Variants in SLN observed in about 807,000 individuals in gnomAD.
The protein encoded by SLN is sarcolipin.
For synonymous variants in SLN, 19 were observed against 14.4 expected, an observed-to-expected ratio of 1.32 and a Z score of -0.72; for missense variants, 34 against 37.4, an observed-to-expected ratio of 0.91 and a Z score of 0.24.
chr11:107,709,680 CA>C (rs34295984), intron 1 of SLN, among the ~76,000 whole-genome samples: 12 of 149,682 alleles, frequency 8.0e-5, no homozygotes, highest in Admixed American at 8.0e-4. Flanking sequence ...GACCCTGTCT[CA>C]AAAAAAAATA....
At chr11:107,708,527 C>A (rs1044863209) in intron 1 of SLN, among the ~76,000 whole-genome samples, 1 of 152,104 alleles carries the variant, frequency 6.6e-6, no homozygotes, top group African/African-American at 2.4e-5. Flanking sequence ...AAAACAGACA[C>A]CAATCCCCTC....
At chr11:107,711,336 C>T (rs1214864423) in intron 1 of SLN, among the ~76,000 whole-genome samples, 1 of 151,864 alleles carries the variant, frequency 6.6e-6, no homozygotes, top group East Asian at 1.9e-4. Context: ...TTAATGGTGA[C>T]CTTGAATATT....
At position 107,707,934 on chromosome 11, in the gene SLN, C is replaced by T. The variant is rs763701604; in HGVS notation, c.-4G>A. The T allele has an allele frequency of 6.2e-7, 1 of 1,612,972 alleles. No homozygotes were observed. Among genetic ancestry groups the T allele is most frequent in the African/African-American group, 1.3e-5 (1 of 74,994 alleles). ...GCTCCCGGGTGTTTATCCCCATTTT[C>T]ACAGCGGCTTGGTGAGAACTGCAGG... is the stretch of plus-strand genomic sequence containing the variant. On this transcript the variant is annotated 5_prime_UTR_variant, in exon 2 of 2. Transcript: ENST00000305991.
chr11:107,708,801 T>G (rs1353158263), intron 1 of SLN, among the ~76,000 whole-genome samples: 1 of 152,126 alleles, frequency 6.6e-6, no homozygotes, highest in East Asian at 1.9e-4. Flanking sequence ...ACAAAAAAAT[T>G]TTATGGTTTA....
chr11:107,709,795 A>G (rs1867193857), intron 1 of SLN, among the ~76,000 whole-genome samples: 1 of 152,168 alleles, frequency 6.6e-6, no homozygotes, highest in Admixed American at 6.5e-5. Flanking sequence ...AGACCTCAGC[A>G]TGAAGGAAAT....
Position 107,707,785 on chromosome 11 carries a change from C to A in SLN, c.*50G>T. 1 of 1,381,098 alleles carries A rather than the reference C, an allele frequency of 7.2e-7. No individual in the cohort carries two copies. The highest frequency in any genetic ancestry group is 1.0e-6 in the Non-Finnish European group (1 of 969,602). The allele number at this position is 1,381,098 out of a possible 1,614,324, so 85.6% of individuals were successfully genotyped here. A position where few individuals can be genotyped will look rare whatever the true frequency, so the allele number is the denominator to read the frequency against. ...AGCAGTGGGGTCTCAGGGCATAGAGCAGGCAGCTCCGGAGCATCTCAGTCA... is the reference window on the plus strand; with the variant it reads ...AGCAGTGGGGTCTCAGGGCATAGAGAAGGCAGCTCCGGAGCATCTCAGTCA... On this transcript the variant is annotated 3_prime_UTR_variant, in exon 2 of 2. Transcript: ENST00000305991.
chr11:107,709,492 A>G (rs1867188326), intron 1 of SLN, among the ~76,000 whole-genome samples: 1 of 152,186 alleles, frequency 6.6e-6, no homozygotes, highest in African/African-American at 2.4e-5. Flanking sequence ...TCAATGGACC[A>G]AATTGTTAAT....
intron 1 of SLN, among the ~76,000 whole-genome samples, chr11:107,710,546 G>A (rs1053467787): frequency 6.6e-6 from 1 of 152,198 alleles, no homozygotes; most frequent in Non-Finnish European, 1.5e-5. Flanking sequence ...TAGAGGCAAA[G>A]CTAGAATTAG....
intron 1 of SLN, among the ~76,000 whole-genome samples, chr11:107,709,668 G>A (rs979239910): frequency 4.0e-5 from 6 of 151,376 alleles, no homozygotes; most frequent in African/African-American, 1.5e-4. Context: ...GCAACATAAT[G>A]AGACCCTGTC....
chr11:107,707,907 C>G lies in SLN; in HGVS notation c.24G>C (p.Leu8=), dbSNP rs773423050. MGINTRE[L]FLNFTIVLIT... ...TCAAGACAATAGTGAAGTTGAGAAA[C>G]AGCTCCCGGGTGTTTATCCCCATTT... The change falls in exon 2 of 2, where the codon CTG becomes CTC. Residue 8 remains leucine, a synonymous_variant. Transcript: ENST00000305991. 10 of 1,613,958 alleles carry G rather than the reference C, an allele frequency of 6.2e-6. No individual in the cohort carries two copies. In the East Asian group the frequency reaches 1.6e-4, roughly 25 times the overall value.
At chr11:107,710,760 G>A (rs766196709) in intron 1 of SLN, among the ~76,000 whole-genome samples, 76 of 152,138 alleles carry the variant, frequency 5.0e-4, no homozygotes, top group Non-Finnish European at 9.4e-4. Context: ...AAGGACGTGC[G>A]TGCCAGGTTA....
rs1364459912 is a variant in SLN at position 107,707,799 on chromosome 11, G to A, written c.*36C>T. On this transcript the variant is annotated 3_prime_UTR_variant, in exon 2 of 2. Coordinates refer to ENST00000305991, the MANE Select transcript of SLN (RefSeq NM_003063.3). ...AGGGCATAGAGCAGGCAGCTCCGGAGCATCTCAGTCAATCCCAGGACCATG... is the reference window on the plus strand; with the variant it reads ...AGGGCATAGAGCAGGCAGCTCCGGAACATCTCAGTCAATCCCAGGACCATG... The A allele has an allele frequency of 1.3e-6, 2 of 1,496,122 alleles. No homozygotes were observed. The highest frequency in any genetic ancestry group is 1.9e-6 in the Non-Finnish European group (2 of 1,073,640). 92.7% of individuals were successfully genotyped at this position (1,496,122 alleles called of 1,614,324 possible). A position where few individuals can be genotyped will look rare whatever the true frequency, so the allele number is the denominator to read the frequency against.
chr11:107,709,513 C>T (rs1439064179), intron 1 of SLN, among the ~76,000 whole-genome samples: 1 of 152,020 alleles, frequency 6.6e-6, no homozygotes, highest in Non-Finnish European at 1.5e-5. Flanking sequence ...TGCATAAATG[C>T]CAACTGAATG....
chr11:107,710,024 TA>T (rs1159548685), intron 1 of SLN, among the ~76,000 whole-genome samples: 2 of 152,046 alleles, frequency 1.3e-5, no homozygotes, highest in East Asian at 3.9e-4. Context: ...GTAAACAGAA[TA>T]AAATGAATGG....
rs551095630 is a variant in SLN at position 107,709,801 on chromosome 11, G to A, written c.-75-1796C>T. Among the ~76,000 whole-genome samples the A allele has an allele frequency of 1.6e-4, 24 of 152,174 alleles. 1 individual carries two copies. Among genetic ancestry groups the A allele is most frequent in the African/African-American group, 5.5e-4 (23 of 41,508 alleles). On this transcript the variant is annotated intron_variant, in intron 1 of 1. Coordinates refer to ENST00000305991, the MANE Select transcript of SLN (RefSeq NM_003063.3). ...CCATCTTTTAGACCTCAGCATGAAG[G>A]AAATAGTAAATTGCCAATGAAAACC... is the stretch of plus-strand genomic sequence containing the variant.
At chr11:107,709,837 G>A (rs1398096975) in intron 1 of SLN, among the ~76,000 whole-genome samples, 1 of 152,156 alleles carries the variant, frequency 6.6e-6, no homozygotes, top group African/African-American at 2.4e-5. Context: ...ATTACAAATG[G>A]CTGGGCGTGG....
In SLN at chr11:107,707,938, G is replaced by A. The variant is rs956964932; in HGVS notation, c.-8C>T. Reference sequence around the variant, plus strand: ...CCGGGTGTTTATCCCCATTTTCACAGCGGCTTGGTGAGAACTGCAGGCAGA... The same window carrying A: ...CCGGGTGTTTATCCCCATTTTCACAACGGCTTGGTGAGAACTGCAGGCAGA... On this transcript the variant is annotated 5_prime_UTR_variant, in exon 2 of 2. Transcript: ENST00000305991. The A allele has an allele frequency of 1.4e-5, 22 of 1,610,522 alleles. No homozygotes were observed. The highest frequency in any genetic ancestry group is 1.9e-5 in the Non-Finnish European group (22 of 1,176,858).
chr11:107,709,638 G>A (rs1394486444), intron 1 of SLN, among the ~76,000 whole-genome samples: 2 of 152,226 alleles, frequency 1.3e-5, no homozygotes, highest in Non-Finnish European at 2.9e-5. Flanking sequence ...CTTGAGCCTA[G>A]GAGTTTAAGA....
At position 107,707,946 on chromosome 11, in the gene SLN, G is replaced by C. The variant is rs765261430; in HGVS notation, c.-16C>G. The C allele has an allele frequency of 2.5e-6, 4 of 1,600,396 alleles. No homozygotes were observed. In the Middle Eastern group the frequency reaches 5.0e-4, roughly 199 times the overall value. The stretch of plus-strand genomic sequence containing the variant: ...TTATCCCCATTTTCACAGCGGCTTG[G>C]TGAGAACTGCAGGCAGATTTCTGAG... On this transcript the variant is annotated 5_prime_UTR_variant, in exon 2 of 2. Coordinates refer to ENST00000305991, the MANE Select transcript of SLN (RefSeq NM_003063.3).
Sources: allele counts gnomAD v4.1 joint callset (sites outside exome capture counted in the v4.1 genomes callset), GRCh38; gene constraint gnomAD v4.1.1; transcripts MANE v1.5; gene names NCBI Gene and HGNC (gene_info 2026-07-23, HGNC 2026-07-21).